The following PCDHGA4 variants were observed in gnomAD, a reference collection of about 807,000 sequenced individuals.
PCDHGA4 encodes protocadherin gamma-A4.
Under a neutral mutation model 54.6 loss-of-function variants are expected in PCDHGA4, and 38 were observed. That is an observed-to-expected ratio of 0.70 (90% CI 0.54 to 0.91). The LOEUF is 0.91. Among genes scored for constraint, PCDHGA4 ranks in the 40% least tolerant of loss-of-function variants. PCDHGA4 has a pLI of 0.00. For missense variants in PCDHGA4, 1,298 were observed against 1,220.9 expected, an observed-to-expected ratio of 1.06 and a Z score of -0.94; for synonymous variants, 511 against 512.9, an observed-to-expected ratio of 1.00 and a Z score of 0.05.
In PCDHGA4 at chr5:141,486,476, C is replaced by G. The variant is rs765887978; in HGVS notation, c.2515-8331C>G. The G allele has an allele frequency of 5.0e-6, 8 of 1,613,934 alleles. No homozygotes were observed. In the South Asian group the frequency reaches 7.7e-5, roughly 16 times the overall value. ...TGCTTCTGATGCTGGGAACCCTCCTCTCAGTACCCACAGAACTATTTTCCT... is the reference window on the plus strand; with the variant it reads ...TGCTTCTGATGCTGGGAACCCTCCTGTCAGTACCCACAGAACTATTTTCCT... On this transcript the variant is annotated intron_variant, in intron 1 of 3. Coordinates refer to ENST00000571252, the MANE Select transcript of PCDHGA4 (RefSeq NM_018917.4). The surrounding 1 kb of genome is among the most constrained non-coding windows in gnomAD (Gnocchi z 5.0).
At chr5:141,470,548 A>G (rs2099232978) in intron 1 of PCDHGA4, among the ~76,000 whole-genome samples, 1 of 152,182 alleles carries the variant, frequency 6.6e-6, no homozygotes, top group Non-Finnish European at 1.5e-5. Context: ...ATATTTATTG[A>G]GAGTTTCCTC....
chr5:141,372,161 C>T lies in PCDHGA4; in HGVS notation c.2514+14540C>T, dbSNP rs777425940. 5.6e-6 allele frequency: 9 copies of T among 1,613,776 alleles called. No individual in the cohort carries two copies. The Middle Eastern group carries it at 5.0e-4, about 89-fold the overall frequency. On this transcript the variant is annotated intron_variant, in intron 1 of 3. Transcript: ENST00000571252. Reference sequence around the variant, plus strand: ...CTGCAGAGCCTGGCTACCTGGTGACCAAGGTGGTGGCGGTGGACGCAGACT... The same window carrying T: ...CTGCAGAGCCTGGCTACCTGGTGACTAAGGTGGTGGCGGTGGACGCAGACT...
rs374663576 is a variant in PCDHGA4 at position 141,489,905 on chromosome 5, G to A, written c.2515-4902G>A. The A allele has an allele frequency of 2.8e-4, 459 of 1,614,108 alleles. No homozygotes were observed. Among genetic ancestry groups the A allele is most frequent in the Non-Finnish European group, 3.4e-4 (405 of 1,180,054 alleles). On this transcript the variant is annotated intron_variant, in intron 1 of 3. Coordinates refer to ENST00000571252, the MANE Select transcript of PCDHGA4 (RefSeq NM_018917.4). The surrounding 1 kb of genome is among the most constrained non-coding windows in gnomAD (Gnocchi z 4.5). ...GCTGTGGATGGGGGGACCCCAGCCC[G>A]CTCAGGGACCACCCTTATCTCTGTC...
chr5:141,370,997 C>T, intron 1 of PCDHGA4: 5 of 1,613,984 alleles, frequency 3.1e-6, no homozygotes, highest in Non-Finnish European at 4.2e-6. Context: ...CACCCCTGGA[C>T]AGGGAAGAGC....
rs141095222 is a variant in PCDHGA4, at chr5:141,496,668, C to T, written c.2573+1803C>T. Reference sequence around the variant, plus strand: ...CCCTTCCTTTGACCCCAGCTGTTGTCCTTCTCCCTGCTGGCCTTGCCAACC... The same window carrying T: ...CCCTTCCTTTGACCCCAGCTGTTGTTCTTCTCCCTGCTGGCCTTGCCAACC... On this transcript the variant is annotated intron_variant, in intron 2 of 3. Coordinates refer to ENST00000571252, the MANE Select transcript of PCDHGA4 (RefSeq NM_018917.4). Among the ~76,000 whole-genome samples the T allele has an allele frequency of 1.3e-3, 204 of 152,328 alleles. 1 individual carries two copies. The highest frequency in any genetic ancestry group is 5.6e-3 in the Admixed American group (85 of 15,298).
chr5:141,498,294 G>A (rs2099782964), intron 2 of PCDHGA4, among the ~76,000 whole-genome samples: 1 of 151,910 alleles, frequency 6.6e-6, no homozygotes, highest in African/African-American at 2.4e-5. Flanking sequence ...GATCAAGCCA[G>A]CTCTGGGTCA....
At position 141,366,307 on chromosome 5, in the gene PCDHGA4, G is replaced by A. The variant is rs539472764; in HGVS notation, c.2514+8686G>A. 6.3e-5 allele frequency: 101 copies of A among 1,613,748 alleles called. 2 individuals carry two copies. In the South Asian group the frequency reaches 9.7e-4, roughly 15 times the overall value. On this transcript the variant is annotated intron_variant, in intron 1 of 3. Coordinates refer to ENST00000571252, the MANE Select transcript of PCDHGA4 (RefSeq NM_018917.4). ...AGCCCCCTCTGTCAGCCACCTTCAC[G>A]GTCACCGTTGCCGTGGCCGACAGGA...
chr5:141,403,054 A>G, intron 1 of PCDHGA4: 6 of 1,614,062 alleles, frequency 3.7e-6, no homozygotes, highest in Non-Finnish European at 5.1e-6. Flanking sequence ...TTCGCTACTC[A>G]GTGCCTGAAG....
At chr5:141,506,252 C>T (rs1158047426) in intron 3 of PCDHGA4, among the ~76,000 whole-genome samples, 1 of 151,968 alleles carries the variant, frequency 6.6e-6, no homozygotes, top group African/African-American at 2.4e-5. Flanking sequence ...AGTTCGAAAC[C>T]GGCCTGGCCA....
intron 1 of PCDHGA4, among the ~76,000 whole-genome samples, chr5:141,435,134 A>G (rs1190517186): frequency 6.6e-6 from 1 of 152,190 alleles, no homozygotes; most frequent in Non-Finnish European, 1.5e-5. Context: ...GAAAATATAA[A>G]TAAAATTGTG....
intron 1 of PCDHGA4, chr5:141,388,084 G>A (rs2091232719): frequency 7.3e-7 from 1 of 1,364,538 alleles, no homozygotes; most frequent in Admixed American, 2.0e-5. Context: ...CGAAAACTGC[G>A]CGTCAGTTCG....
rs191916514 is a variant in PCDHGA4, at chr5:141,456,716, G to A, written c.2515-38091G>A. 3.9e-3 allele frequency among the ~76,000 whole-genome samples: 589 copies of A among 152,314 alleles called. 5 individuals carry two copies. Among genetic ancestry groups the A allele is most frequent in the Admixed American group, 0.011 (169 of 15,300 alleles). On this transcript the variant is annotated intron_variant, in intron 1 of 3. Transcript: ENST00000571252. ...GTGGTGGCTCGCGCCTGTAATCCCA[G>A]CACTTTGGGAGGCTGAGGCGGGAGC...
chr5:141,399,038 A>G (rs1228007346), intron 1 of PCDHGA4: 2 of 1,613,854 alleles, frequency 1.2e-6, no homozygotes, highest in South Asian at 2.2e-5. Context: ...AAGAAACTGG[A>G]TTTTGAAGAG....
intron 1 of PCDHGA4, among the ~76,000 whole-genome samples, chr5:141,433,408 A>ATCTATCTATCTATCT (rs1413347413): frequency 7.9e-6 from 1 of 127,280 alleles, no homozygotes; most frequent in African/African-American, 2.9e-5. Flanking sequence ...TCTATCTATT[A>ATCTATCTATCTATCT]CTTTCTTGTA....
At chr5:141,392,322 A>G (rs2092513343) in intron 1 of PCDHGA4, 1 of 152,296 alleles carries the variant, frequency 6.6e-6, no homozygotes, top group South Asian at 2.1e-4. Flanking sequence ...TTAAGACCAA[A>G]TGTATTGCAG....
intron 1 of PCDHGA4, chr5:141,376,385 C>T (rs1200175997): frequency 6.2e-7 from 1 of 1,614,120 alleles, no homozygotes; most frequent in Non-Finnish European, 8.5e-7. Flanking sequence ...TAAGAGTCAT[C>T]TGATTTTCCC....
intron 1 of PCDHGA4, among the ~76,000 whole-genome samples, chr5:141,452,388 A>G (rs892688242): frequency 3.9e-5 from 6 of 152,210 alleles, no homozygotes; most frequent in Non-Finnish European, 5.9e-5. Flanking sequence ...TAGTATTTAG[A>G]AACTAAGATC....
chr5:141,419,117 G>T (rs1362880648), intron 1 of PCDHGA4: 1 of 1,613,718 alleles, frequency 6.2e-7, no homozygotes, highest in African/African-American at 1.3e-5. Context: ...AGAGTACAAC[G>T]TCACCATCGC....
rs759095332 is a variant in PCDHGA4, at chr5:141,432,306, C to T, written c.2515-62501C>T. 1 of 1,614,250 alleles carries T rather than the reference C, an allele frequency of 6.2e-7. No homozygotes were observed. On this transcript the variant is annotated intron_variant, in intron 1 of 3. Coordinates refer to ENST00000571252, the MANE Select transcript of PCDHGA4 (RefSeq NM_018917.4). This position sits in a 1 kb window ranked among gnomAD's most constrained non-coding sequence, Gnocchi z 6.0. ...AACTCCGACACTGGGGTACTGTATG[C>T]GCTGAGCTCCTTCGACTACGAGCAG...
Sources: allele counts gnomAD v4.1 joint callset (sites outside exome capture counted in the v4.1 genomes callset), GRCh38; gene constraint gnomAD v4.1.1; non-coding constraint Gnocchi (gnomAD v3.1); transcripts MANE v1.5; gene names NCBI Gene and HGNC (gene_info 2026-07-23, HGNC 2026-07-21).